Variants in CUBN observed in about 807,000 individuals in gnomAD.
The protein encoded by CUBN is 460 kDa receptor.
A neutral mutation model predicts 405.3 loss-of-function variants in CUBN; 282 were observed. The observed-to-expected ratio is 0.70, with a 90% CI of 0.63 to 0.77. The LOEUF (loss-of-function observed/expected upper bound fraction) is 0.77. Among genes scored for constraint, CUBN ranks in the 30% least tolerant of loss-of-function variants. CUBN has a pLI of 0.00. For synonymous variants in CUBN, 1,684 were observed against 1,617.0 expected (o/e 1.04, Z -0.99); for missense variants, 4,514 against 4,475.2 (o/e 1.01, Z -0.25).
chr10:17,068,206 T>C lies in CUBN; in HGVS notation c.2866A>G (p.Ile956Val), dbSNP rs141859334. ...PGHPNVYPHG[I>V]NCTWHILVQP... ...ACTAATATATGCCAAGTACAGTTGATACCGTGGGGGTAGACATTTGGATGG... is the reference window on the plus strand; with the variant it reads ...ACTAATATATGCCAAGTACAGTTGACACCGTGGGGGTAGACATTTGGATGG... Residue 956 changes from isoleucine to valine, a missense_variant, in exon 21 of 67, where the codon ATC (isoleucine) becomes GTC (valine). Around this residue, in one of 5 missense-constraint regions of CUBN, gnomAD observed 1,448 missense variants for 1,388.0 expected, o/e 1.04. Transcript: ENST00000377833. The C allele has an allele frequency of 1.4e-5, 23 of 1,613,814 alleles. No individual in the cohort carries two copies. The highest frequency in any genetic ancestry group is 1.6e-4 in the Middle Eastern group (1 of 6,062).
rs775982036 is a variant in CUBN at position 17,046,036 on chromosome 10, G to C, written c.3388C>G (p.Pro1130Ala). 1.2e-6 allele frequency: 2 copies of C among 1,613,694 alleles called. No homozygotes were observed. Among genetic ancestry groups the C allele is most frequent in the South Asian group, 1.1e-5 (1 of 91,070 alleles). ...LGIFYGSNLP[P>A]TIISHSNKLW... ...TTGTTACTATGAGAGATGATTGTTG[G>C]GGGTAGATTTGAGCCATAGAATATT... Residue 1130 changes from proline (P) to alanine (A), a missense_variant, in exon 24 of 67, where the codon CCA becomes GCA. This residue lies in a region of CUBN where 1,448 missense variants were observed against 1,388.0 expected (regional missense o/e 1.04). Coordinates refer to ENST00000377833, the MANE Select transcript of CUBN (RefSeq NM_001081.4).
chr10:16,855,977 A>G (rs1271266849), intron 59 of CUBN, among the ~76,000 whole-genome samples: 1 of 152,164 alleles, frequency 6.6e-6, no homozygotes, highest in Non-Finnish European at 1.5e-5. Context: ...GAGAAAACGT[A>G]ATGATCAATA....
At chr10:17,011,594 C>T (rs1403783033) in intron 28 of CUBN, among the ~76,000 whole-genome samples, 7 of 152,066 alleles carry the variant, frequency 4.6e-5, no homozygotes, top group East Asian at 1.9e-4. Context: ...GAAGGGGACC[C>T]GAGCAGGTTG....
At chr10:16,850,671 C>T (rs1839659968) in intron 60 of CUBN, among the ~76,000 whole-genome samples, 1 of 152,086 alleles carries the variant, frequency 6.6e-6, no homozygotes, top group Admixed American at 6.5e-5. Context: ...CAGGGTTTCA[C>T]CATGTTGGCC....
intron 14 of CUBN, 60 bp from the exon 15 acceptor site, chr10:17,088,405 G>A: frequency 1.4e-6 from 2 of 1,441,670 alleles, no homozygotes; most frequent in Non-Finnish European, 1.9e-6. Context: ...TATGGAGAAT[G>A]ATCAGAGCCC....
intron 51 of CUBN, among the ~76,000 whole-genome samples, chr10:16,901,949 A>ATATATATATACACCATATATAGTGTG (rs1303926122): frequency 2.1e-5 from 3 of 142,322 alleles, no homozygotes; most frequent in South Asian, 2.1e-4. Context: ...TATATAGTAT[A>ATATATATATACACCATATATAGTGTG]TATATATATA....
In CUBN at chr10:17,100,125, A is replaced by G. The variant is rs759485825; in HGVS notation, c.1645T>C (p.Cys549Arg). 9 of 1,613,760 alleles carry G rather than the reference A, an allele frequency of 5.6e-6. No individual in the cohort carries two copies. The South Asian group carries it at 8.8e-5, about 16-fold the overall frequency. ...AGTTCATGAGGGAGGCTGGAGCCACAAAATCTTCCAAGTTGAAAAGCAGAA... is the reference window on the plus strand; with the variant it reads ...AGTTCATGAGGGAGGCTGGAGCCACGAAATCTTCCAAGTTGAAAAGCAGAA... ...SSSAFQLGRF[C>R]GSSLPHELLS... Residue 549 changes from cysteine (C) to arginine (R), a missense_variant, in exon 14 of 67, where the codon TGT (cysteine) becomes CGT (arginine). Physicochemically the swap from Cys to Arg is radical, Grantham distance 180. Around this residue, in one of 5 missense-constraint regions of CUBN, gnomAD observed 1,448 missense variants for 1,388.0 expected, o/e 1.04. Transcript: ENST00000377833.
chr10:16,926,354 GA>G (rs1842188995), intron 41 of CUBN, among the ~76,000 whole-genome samples: 2 of 152,144 alleles, frequency 1.3e-5, no homozygotes, highest in Admixed American at 1.3e-4. Flanking sequence ...GCAGGAAACT[GA>G]AAAGACTTAT....
chr10:16,989,936 C>T (rs1564465221), intron 29 of CUBN, among the ~76,000 whole-genome samples: 1 of 152,200 alleles, frequency 6.6e-6, no homozygotes. Flanking sequence ...GTTAGCCATC[C>T]CAAGTGCAGT....
At chr10:16,991,428 C>T (rs1833583334) in intron 28 of CUBN, among the ~76,000 whole-genome samples, 1 of 152,128 alleles carries the variant, frequency 6.6e-6, no homozygotes, top group Admixed American at 6.5e-5. Context: ...CATTACTATA[C>T]CGCACAGGCT....
intron 31 of CUBN, among the ~76,000 whole-genome samples, chr10:16,981,053 C>T (rs1833255871): frequency 6.6e-6 from 1 of 151,878 alleles, no homozygotes; most frequent in Non-Finnish European, 1.5e-5. Flanking sequence ...GTGAGTGCTC[C>T]ACCCTCAAGC....
At chr10:16,869,902 T>C in intron 58 of CUBN, 49 bp from the exon 59 acceptor site, 1 of 1,368,322 alleles carries the variant, frequency 7.3e-7, no homozygotes, top group Non-Finnish European at 1.0e-6. Flanking sequence ...GGACTTCTAT[T>C]AAATTGTAGC....
intron 22 of CUBN, among the ~76,000 whole-genome samples, chr10:17,054,628 A>G (rs1209477809): frequency 6.6e-6 from 1 of 152,042 alleles, no homozygotes; most frequent in Non-Finnish European, 1.5e-5. Flanking sequence ...TCAGGAATGA[A>G]GAGGGGATGT....
At chr10:17,046,353 A>G (rs1175878337) in intron 23 of CUBN, among the ~76,000 whole-genome samples, 2 of 152,310 alleles carry the variant, frequency 1.3e-5, no homozygotes, top group East Asian at 3.9e-4. Flanking sequence ...AACTGAGAGA[A>G]TATGTTTAAT....
intron 14 of CUBN, among the ~76,000 whole-genome samples, chr10:17,094,801 A>G (rs568216880): frequency 6.6e-6 from 1 of 152,158 alleles, no homozygotes; most frequent in African/African-American, 2.4e-5. Context: ...TGTCCATACT[A>G]TGCAAAGCAG....
Position 17,089,982 on chromosome 10 carries a change from G to A in CUBN, c.1766-1637C>T, listed in dbSNP as rs553155889. On this transcript the variant is annotated intron_variant, in intron 14 of 66. Transcript: ENST00000377833. ...AAAATAAAAATTAGCTGGGTATGGT[G>A]GTGCGTGTCTGTAGTCCCAGCTACT... is the stretch of plus-strand genomic sequence containing the variant. Among the ~76,000 whole-genome samples the A allele has an allele frequency of 1.4e-4, 22 of 152,216 alleles. No homozygotes were observed. The South Asian group carries it at 3.5e-3, about 24-fold the overall frequency.
chr10:17,061,557 T>C (rs542573055), intron 22 of CUBN, among the ~76,000 whole-genome samples: 1 of 152,274 alleles, frequency 6.6e-6, no homozygotes, highest in East Asian at 1.9e-4. Context: ...TTTCTTAACT[T>C]TGCACTGCTA....
chr10:17,106,810 G>A (rs1836644275), intron 10 of CUBN, among the ~76,000 whole-genome samples: 1 of 152,176 alleles, frequency 6.6e-6, no homozygotes, highest in Non-Finnish European at 1.5e-5. Context: ...CATGTCCCCA[G>A]TTATGTGGAT....
Position 17,103,709 on chromosome 10 carries a change from C to A in CUBN, c.1418-472G>T, listed in dbSNP as rs139983606. Among the ~76,000 whole-genome samples, 289 of 152,220 alleles carry A rather than the reference C, an allele frequency of 1.9e-3. 1 individual carries two copies. The highest frequency in any genetic ancestry group is 6.7e-3 in the African/African-American group (277 of 41,514). ...AACCTCTCAATAAATGTGTTGATTCCAAATCAGGAGTTTAAGTGAGGGGCA... is the reference window on the plus strand; with the variant it reads ...AACCTCTCAATAAATGTGTTGATTCAAAATCAGGAGTTTAAGTGAGGGGCA... On this transcript the variant is annotated intron_variant, in intron 12 of 66. Coordinates refer to ENST00000377833, the MANE Select transcript of CUBN (RefSeq NM_001081.4).
Sources: allele counts gnomAD v4.1 joint callset (sites outside exome capture counted in the v4.1 genomes callset), GRCh38; gene constraint gnomAD v4.1.1; regional missense constraint gnomAD v4.1.1; transcripts MANE v1.5; gene names NCBI Gene and HGNC (gene_info 2026-07-23, HGNC 2026-07-21).